CREB5: variants seen among roughly 807,000 people sequenced by gnomAD.
CREB5 encodes cyclic AMP-responsive element-binding protein 5.
In CREB5, 19 loss-of-function variants were observed where a neutral mutation model predicts 57.1. That is an observed-to-expected ratio of 0.33 (90% confidence interval 0.23 to 0.49). CREB5 has a LOEUF of 0.49. CREB5 is among the 20% of genes least tolerant of loss of function. The pLI, the probability that CREB5 is intolerant of heterozygous loss-of-function variation, is 0.99. For missense variants in CREB5, 579 were observed against 671.6 expected, an observed-to-expected ratio of 0.86 and a Z score of 1.52; for synonymous variants, 238 against 238.3, an observed-to-expected ratio of 1.00 and a Z score of 0.01.
At chr7:28,730,884 G>A (rs569459285) in intron 7 of CREB5, among the ~76,000 whole-genome samples, 27 of 152,110 alleles carry the variant, frequency 1.8e-4, no homozygotes, top group South Asian at 1.5e-3. Context: ...TATCCCTGGC[G>A]TTCCCATGGT....
At chr7:28,488,069 A>C (rs1791645460) in intron 1 of CREB5, 106 bp from the exon 2 acceptor site, 1 of 946,798 alleles carries the variant, frequency 1.1e-6, no homozygotes, top group African/African-American at 1.6e-5. Context: ...TGGTATTGGC[A>C]TAGAAAGGGG....
intron 4 of CREB5, among the ~76,000 whole-genome samples, chr7:28,557,970 T>C (rs906672311): frequency 6.6e-5 from 10 of 152,174 alleles, no homozygotes; most frequent in Admixed American, 2.0e-4. Flanking sequence ...AGAACCCAAG[T>C]TGTGCTAGGA....
rs138119807 is a variant in CREB5, at chr7:28,473,254, C to T, written c.4-14921C>T. 9.4e-4 allele frequency among the ~76,000 whole-genome samples: 143 copies of T among 152,176 alleles called. 1 individual carries two copies. The highest frequency in any genetic ancestry group is 6.8e-3 in the Middle Eastern group (2 of 294). ...AGAAGATCGTTTAAGCCTAGGGGAT[C>T]AAGGGTGTAGCGGGCTGCGAAGGCA... On this transcript the variant is annotated intron_variant, in intron 1 of 10. Transcript: ENST00000357727.
chr7:28,315,536 G>T (rs1261694163), intron 1 of CREB5, among the ~76,000 whole-genome samples: 1 of 152,220 alleles, frequency 6.6e-6, no homozygotes, highest in African/African-American at 2.4e-5. Flanking sequence ...CTGAATGAAG[G>T]ACTCTGTTCT....
intron 1 of CREB5, among the ~76,000 whole-genome samples, chr7:28,368,952 G>A (rs1786644476): frequency 6.6e-6 from 1 of 152,110 alleles, no homozygotes; most frequent in Admixed American, 6.6e-5. Context: ...AGGCTGTTGT[G>A]GGAGGATCGC....
chr7:28,556,681 T>C (rs565270016), intron 4 of CREB5, among the ~76,000 whole-genome samples: 1 of 152,322 alleles, frequency 6.6e-6, no homozygotes. Flanking sequence ...TCTGATCACC[T>C]ATCCAAGCCC....
At chr7:28,736,905 G>A (rs1022026660) in intron 7 of CREB5, among the ~76,000 whole-genome samples, 7 of 146,410 alleles carry the variant, frequency 4.8e-5, no homozygotes, top group South Asian at 2.2e-4. Flanking sequence ...CCCTAGAACC[G>A]TGCATGGAGC....
chr7:28,679,936 T>C (rs1800506646), intron 5 of CREB5, among the ~76,000 whole-genome samples: 1 of 152,092 alleles, frequency 6.6e-6, no homozygotes, highest in Non-Finnish European at 1.5e-5. Context: ...TCATTCTCCA[T>C]CTCCCCAAAG....
chr7:28,350,005 T>C (rs1018908380), intron 1 of CREB5, among the ~76,000 whole-genome samples: 6 of 152,208 alleles, frequency 3.9e-5, no homozygotes, highest in African/African-American at 1.2e-4. Flanking sequence ...TTTTAAGTCA[T>C]AGGCTGATTG....
chr7:28,595,369 C>T (rs34016118), intron 5 of CREB5, among the ~76,000 whole-genome samples: 28,771 of 152,052 alleles, frequency 0.19, 3,345 homozygotes, highest in East Asian at 0.34. Context: ...TTCCCTCCAT[C>T]GTTTTTATAG....
intron 5 of CREB5, among the ~76,000 whole-genome samples, chr7:28,716,554 A>T (rs1267821921): frequency 6.6e-6 from 1 of 152,168 alleles, no homozygotes; most frequent in Non-Finnish European, 1.5e-5. Flanking sequence ...CCTCTCAGTG[A>T]ATCTTTCTCA....
intron 1 of CREB5, among the ~76,000 whole-genome samples, chr7:28,454,167 A>G (rs1789982916): frequency 6.6e-6 from 1 of 151,992 alleles, no homozygotes. Flanking sequence ...GTTAGCCAGG[A>G]TGGTCTCGAT....
intron 5 of CREB5, among the ~76,000 whole-genome samples, chr7:28,653,512 G>T (rs1269316814): frequency 6.6e-6 from 1 of 152,144 alleles, no homozygotes; most frequent in African/African-American, 2.4e-5. Context: ...GTTACACTTT[G>T]GGAAAATGTG....
intron 5 of CREB5, among the ~76,000 whole-genome samples, chr7:28,677,298 A>G (rs568917743): frequency 3.9e-5 from 6 of 152,308 alleles, no homozygotes; most frequent in Admixed American, 3.9e-4. Flanking sequence ...AGTTTTGCTT[A>G]AAAATACATA....
chr7:28,622,654 G>A (rs1441835294), intron 5 of CREB5, among the ~76,000 whole-genome samples: 1 of 152,090 alleles, frequency 6.6e-6, no homozygotes, highest in Non-Finnish European at 1.5e-5. Flanking sequence ...TGAAGAAACT[G>A]AGGCTCAGAG....
chr7:28,547,960 C>T (rs754672300), intron 4 of CREB5, among the ~76,000 whole-genome samples: 8 of 152,152 alleles, frequency 5.3e-5, no homozygotes, highest in South Asian at 2.1e-4. Flanking sequence ...AAGAAAACAT[C>T]GAAGTAACTA....
At chr7:28,790,472 G>A (rs868778405) in intron 7 of CREB5, among the ~76,000 whole-genome samples, 219 of 124,944 alleles carry the variant, frequency 1.8e-3, no homozygotes, top group African/African-American at 5.6e-3. Context: ...TAGAGAGAGA[G>A]AGAAAGAAAG....
rs534338106 is a variant in CREB5 at position 28,481,372 on chromosome 7, G to C, written c.4-6803G>C. Among the ~76,000 whole-genome samples, 7 of 152,326 alleles carry C rather than the reference G, an allele frequency of 4.6e-5. No individual in the cohort carries two copies. The South Asian group carries it at 1.2e-3, about 27-fold the overall frequency. On this transcript the variant is annotated intron_variant, in intron 1 of 10. Transcript: ENST00000357727. Reference sequence around the variant, plus strand: ...ATATTCTTCTGGTTTGAACAGAATAGTAATATTTAACCGCAGTGTTATGTG... The same window carrying C: ...ATATTCTTCTGGTTTGAACAGAATACTAATATTTAACCGCAGTGTTATGTG...
chr7:28,560,897 C>CGTGTGCGTGCGTGTGTGTGCGTGCGT lies in CREB5; in HGVS notation c.292-9465_292-9464insTGCGTGCGTGTGTGTGCGTGCGTGTG, dbSNP rs1334757992. Among the ~76,000 whole-genome samples the CGTGTGCGTGCGTGTGTGTGCGTGCGT allele has an allele frequency of 1.6e-3, 37 of 22,544 alleles. 1 individual carries two copies. The highest frequency in any genetic ancestry group is 2.2e-3 in the Non-Finnish European group (24 of 10,894). The allele number at this position is 22,544 out of a possible 152,430, so 14.8% of individuals were successfully genotyped here. ...GCGCGTGCGTGCGTGCGTGTGTGTGCGTGCGCGCGTGCGTGTGCGTGTGTG... is the reference window on the plus strand; with the variant it reads ...GCGCGTGCGTGCGTGCGTGTGTGTGCGTGTGCGTGCGTGTGTGTGCGTGCGTGTGCGCGCGTGCGTGTGCGTGTGTG... On this transcript the variant is annotated intron_variant, in intron 4 of 10. Transcript: ENST00000357727.
Sources: gnomAD v4.1 joint callset for allele counts (sites outside exome capture counted in the v4.1 genomes callset) on GRCh38, gnomAD v4.1.1 for gene constraint, MANE v1.5 for transcripts, NCBI Gene and HGNC (gene_info 2026-07-23, HGNC 2026-07-21) for gene names.